EPHA6: variants seen among roughly 807,000 people sequenced by gnomAD.
EPHA6 encodes the protein EPH receptor A6.
A neutral mutation model predicts 112.0 loss-of-function variants in EPHA6; 50 were observed. The ratio of observed to expected loss-of-function variants is 0.45; its 90% CI spans 0.36 to 0.56. EPHA6 has a LOEUF of 0.56. EPHA6 is among the 20% of genes least tolerant of loss of function. EPHA6 has a pLI of 0.00. For missense variants in EPHA6, 1,280 were observed against 1,417.4 expected, an observed-to-expected ratio of 0.90 and a Z score of 1.56; for synonymous variants, 529 against 490.7, an observed-to-expected ratio of 1.08 and a Z score of -1.03.
intron 5 of EPHA6, among the ~76,000 whole-genome samples, chr3:97,265,215 C>T (rs12106788): frequency 0.073 from 11,181 of 152,202 alleles, 939 homozygotes; most frequent in Admixed American, 0.21. Context: ...CTCTGGTCCA[C>T]GGGACTGGAA....
intron 5 of EPHA6, among the ~76,000 whole-genome samples, chr3:97,333,745 G>T (rs1179920545): frequency 6.6e-6 from 1 of 151,894 alleles, no homozygotes; most frequent in African/African-American, 2.4e-5. Flanking sequence ...TCCCAAAGTG[G>T]TGGGATTACA....
chr3:96,919,736 G>A (rs1189902294), intron 2 of EPHA6, among the ~76,000 whole-genome samples: 4 of 151,686 alleles, frequency 2.6e-5, no homozygotes, highest in African/African-American at 9.7e-5. Flanking sequence ...TTCTTCATTT[G>A]ACAAATCACT....
chr3:97,405,170 G>A lies in EPHA6; in HGVS notation c.1627G>A (p.Val543Ile), dbSNP rs747259025. ...DQDAPSLIGV[V>I]RKDWASQNSI... ...TTCAGCACCTTCCCTGATAGGTGTG[G>A]TAAGGAAGGACTGGGCATCCCAAAA... Residue 543 changes from valine to isoleucine, a missense_variant, in exon 6 of 18, where the codon GTA becomes ATA. Val to Ile is a conservative substitution (Grantham distance 29). Coordinates refer to ENST00000389672, the MANE Select transcript of EPHA6 (RefSeq NM_001080448.3). The A allele has an allele frequency of 1.0e-5, 16 of 1,600,756 alleles. No homozygotes were observed. In the Admixed American group the frequency reaches 2.7e-4, roughly 28 times the overall value.
chr3:97,097,966 C>A (rs753835943), intron 3 of EPHA6, among the ~76,000 whole-genome samples: 1 of 151,770 alleles, frequency 6.6e-6, no homozygotes, highest in Non-Finnish European at 1.5e-5. Flanking sequence ...TTGCAAAAAT[C>A]GTAGAGAATG....
At chr3:96,934,926 GTTT>G (rs1177427613) in intron 2 of EPHA6, among the ~76,000 whole-genome samples, 1 of 151,172 alleles carries the variant, frequency 6.6e-6, no homozygotes, top group African/African-American at 2.4e-5. Flanking sequence ...TCCATTACTT[GTTT>G]TTAATATACT....
At chr3:97,261,500 G>A (rs936900788) in intron 5 of EPHA6, among the ~76,000 whole-genome samples, 4 of 152,106 alleles carry the variant, frequency 2.6e-5, no homozygotes, top group Non-Finnish European at 5.9e-5. Context: ...TAAAAACCTG[G>A]AGATGTTATA....
intron 5 of EPHA6, among the ~76,000 whole-genome samples, chr3:97,255,341 A>G (rs2079276084): frequency 6.6e-6 from 1 of 152,194 alleles, no homozygotes; most frequent in Non-Finnish European, 1.5e-5. Flanking sequence ...CATTCTGGCA[A>G]CAGTAATGGT....
chr3:96,860,812 A>G (rs1559780117), intron 1 of EPHA6, among the ~76,000 whole-genome samples: 1 of 152,116 alleles, frequency 6.6e-6, no homozygotes, highest in African/African-American at 2.4e-5. Context: ...TGTAAATAAT[A>G]TAGGTCTCAA....
chr3:97,490,137 A>G (rs13322168), intron 10 of EPHA6, among the ~76,000 whole-genome samples: 2,761 of 152,274 alleles, frequency 0.018, 100 homozygotes, highest in African/African-American at 0.063. Context: ...TAAATGAATG[A>G]CAAAAGGATA....
intron 10 of EPHA6, among the ~76,000 whole-genome samples, chr3:97,503,402 A>C (rs1042999868): frequency 1.3e-5 from 2 of 152,190 alleles, no homozygotes; most frequent in African/African-American, 4.8e-5. Flanking sequence ...TTGACTTACC[A>C]TTCTCCCTCC....
At chr3:97,619,435 G>GA (rs889042507) in intron 13 of EPHA6, among the ~76,000 whole-genome samples, 1 of 71,908 alleles carries the variant, frequency 1.4e-5, no homozygotes, top group African/African-American at 1.3e-4. Context: ...ATAGAAAAAG[G>GA]GGGGGGGGGG....
chr3:97,735,806 T>G, intron 15 of EPHA6, 119 bp from the exon 16 acceptor site: 1 of 697,056 alleles, frequency 1.4e-6, no homozygotes, highest in Non-Finnish European at 2.3e-6. Context: ...GTCCTTGTAC[T>G]CACAAGTAGT....
intron 16 of EPHA6, among the ~76,000 whole-genome samples, chr3:97,740,771 T>C (rs531633092): frequency 6.6e-6 from 1 of 152,266 alleles, no homozygotes; most frequent in South Asian, 2.1e-4. Flanking sequence ...CTTCCAACAT[T>C]TTGATATAAA....
chr3:97,238,198 G>A (rs1214073208), intron 4 of EPHA6, among the ~76,000 whole-genome samples: 2 of 151,832 alleles, frequency 1.3e-5, no homozygotes, highest in Admixed American at 1.3e-4. Flanking sequence ...CTCTCCTAAT[G>A]GGTAAAGAGA....
At chr3:97,500,264 C>T (rs985120016) in intron 10 of EPHA6, among the ~76,000 whole-genome samples, 1 of 151,966 alleles carries the variant, frequency 6.6e-6, no homozygotes, top group Non-Finnish European at 1.5e-5. Flanking sequence ...CCTAGAAATA[C>T]CTGAGACTGG....
intron 3 of EPHA6, among the ~76,000 whole-genome samples, chr3:97,105,905 CCTTT>C (rs747952355): frequency 3.4e-4 from 51 of 152,048 alleles, no homozygotes; most frequent in Non-Finnish European, 6.8e-4. Flanking sequence ...TTATGTGATG[CCTTT>C]CTTTGTCTCT....
At chr3:96,980,266 C>A (rs1203885345) in intron 2 of EPHA6, among the ~76,000 whole-genome samples, 5 of 151,890 alleles carry the variant, frequency 3.3e-5, no homozygotes, top group Admixed American at 6.6e-5. Context: ...AGCTTTCTAC[C>A]TATGGCTAGC....
intron 6 of EPHA6, among the ~76,000 whole-genome samples, chr3:97,433,510 C>T (rs758760366): frequency 6.6e-5 from 10 of 151,974 alleles, no homozygotes; most frequent in East Asian, 3.9e-4. Flanking sequence ...TTCAGGTAGT[C>T]GAGATAATAA....
chr3:97,389,449 T>A (rs1577204267), intron 5 of EPHA6, among the ~76,000 whole-genome samples: 1 of 152,194 alleles, frequency 6.6e-6, no homozygotes, highest in Non-Finnish European at 1.5e-5. Flanking sequence ...TGTTGCTGAA[T>A]TATAATATTT....
Sources: allele counts gnomAD v4.1 joint callset (sites outside exome capture counted in the v4.1 genomes callset), GRCh38; gene constraint gnomAD v4.1.1; transcripts MANE v1.5; gene names NCBI Gene and HGNC (gene_info 2026-07-23, HGNC 2026-07-21).